DGKB: variants seen among roughly 807,000 people sequenced by gnomAD.
DGKB encodes 90 kDa diacylglycerol kinase.
DGKB carries 67 observed loss-of-function variants against 114.3 expected under a neutral mutation model. That is an observed-to-expected ratio of 0.59 (90% confidence interval 0.48 to 0.72). DGKB has a LOEUF of 0.72. Ranked by LOEUF, DGKB falls within the 30% of genes least tolerant of loss-of-function variation. The pLI is 0.00. For synonymous variants in DGKB, 398 were observed against 323.1 expected, an observed-to-expected ratio of 1.23 and a Z score of -2.49; for missense variants, 907 against 975.2, an observed-to-expected ratio of 0.93 and a Z score of 0.93.
intron 13 of DGKB, among the ~76,000 whole-genome samples, chr7:14,649,941 G>A (rs1814053945): frequency 1.4e-5 from 2 of 146,708 alleles, no homozygotes; most frequent in African/African-American, 5.1e-5. Context: ...AACTAGAAGA[G>A]CTAACTATCC....
At chr7:14,174,699 C>T (rs923433090) in intron 25 of DGKB, among the ~76,000 whole-genome samples, 3 of 152,132 alleles carry the variant, frequency 2.0e-5, no homozygotes, top group Non-Finnish European at 2.9e-5. Flanking sequence ...CTATTTCCAC[C>T]ATCACGGTAG....
chr7:14,265,940 G>C (rs964235372), intron 23 of DGKB, among the ~76,000 whole-genome samples: 1 of 152,118 alleles, frequency 6.6e-6, no homozygotes. Context: ...TACTGCAAGG[G>C]GGTTATATAG....
intron 21 of DGKB, among the ~76,000 whole-genome samples, chr7:14,432,662 A>G (rs1016771332): frequency 6.6e-6 from 1 of 152,152 alleles, no homozygotes; most frequent in Admixed American, 6.6e-5. Context: ...CTAAGAGTGG[A>G]TCCATCAACC....
intron 2 of DGKB, among the ~76,000 whole-genome samples, chr7:14,835,853 T>C (rs1847085558): frequency 6.6e-6 from 1 of 152,192 alleles, no homozygotes; most frequent in African/African-American, 2.4e-5. Context: ...TTATCACTTA[T>C]TGTGCCACAG....
intron 20 of DGKB, among the ~76,000 whole-genome samples, chr7:14,568,519 C>T (rs575739647): frequency 9.9e-4 from 151 of 152,216 alleles, no homozygotes; most frequent in African/African-American, 3.6e-3. Context: ...TTTCTTTAGC[C>T]ATTCAGTTGT....
intron 6 of DGKB, 60 bp downstream of exon 6, chr7:14,718,482 T>C (rs565363876): frequency 2.3e-5 from 33 of 1,463,850 alleles, no homozygotes; most frequent in South Asian, 1.4e-5. Context: ...AGTTAATCAA[T>C]ATCCAGTCCT....
rs561765823 is a variant in DGKB at position 14,283,234 on chromosome 7, G to A, written c.2122+55281C>T. Reference sequence around the variant, plus strand: ...TACACCAACCACAGACAAACAGAGAGCCAAATCATGAGTGAACTCCCATTC... The same window carrying A: ...TACACCAACCACAGACAAACAGAGAACCAAATCATGAGTGAACTCCCATTC... On this transcript the variant is annotated intron_variant, in intron 23 of 25. Coordinates refer to ENST00000402815, the MANE Select transcript of DGKB (RefSeq NM_001350709.2). Among the ~76,000 whole-genome samples, 141 of 151,572 alleles carry A rather than the reference G, an allele frequency of 9.3e-4. 1 individual carries two copies. Among genetic ancestry groups the A allele is most frequent in the African/African-American group, 2.8e-3 (116 of 41,334 alleles).
intron 21 of DGKB, among the ~76,000 whole-genome samples, chr7:14,453,926 T>C (rs901273479): frequency 6.6e-6 from 1 of 152,184 alleles, no homozygotes; most frequent in South Asian, 2.1e-4. Flanking sequence ...GTGGGAAGTA[T>C]GTATATCTTG....
chr7:14,374,915 G>A (rs569060573), intron 21 of DGKB, among the ~76,000 whole-genome samples: 1 of 152,278 alleles, frequency 6.6e-6, no homozygotes, highest in Admixed American at 6.5e-5. Context: ...CAGATTGTCC[G>A]TCTGTTGCCT....
At chr7:14,879,602 T>C (rs1484735148) in intron 1 of DGKB, among the ~76,000 whole-genome samples, 2 of 152,226 alleles carry the variant, frequency 1.3e-5, no homozygotes, top group Non-Finnish European at 2.9e-5. Flanking sequence ...AGTATCTCCC[T>C]GTGATCTTTA....
chr7:14,581,006 C>A (rs940481919), intron 18 of DGKB, 55 bp from the exon 19 acceptor site: 3 of 1,293,114 alleles, frequency 2.3e-6, no homozygotes, highest in Non-Finnish European at 2.2e-6. Flanking sequence ...GATAAAACGA[C>A]GGAAATAAAA....
intron 21 of DGKB, among the ~76,000 whole-genome samples, chr7:14,465,675 C>T (rs1447469997): frequency 6.6e-6 from 1 of 151,994 alleles, no homozygotes; most frequent in Non-Finnish European, 1.5e-5. Flanking sequence ...AGAAATTTTC[C>T]TAAAGTCACA....
At chr7:14,744,983 C>G (rs911269033) in intron 4 of DGKB, among the ~76,000 whole-genome samples, 9 of 152,132 alleles carry the variant, frequency 5.9e-5, no homozygotes, top group African/African-American at 2.2e-4. Context: ...TCCTGCTAAT[C>G]CTGACATCTG....
intron 21 of DGKB, among the ~76,000 whole-genome samples, chr7:14,381,707 C>T (rs1819506232): frequency 1.3e-5 from 2 of 152,164 alleles, no homozygotes; most frequent in Non-Finnish European, 2.9e-5. Flanking sequence ...CTCGTGGGCT[C>T]AAGTGCATCT....
At chr7:14,973,689 G>A (rs1787628629) in intron 1 of DGKB, among the ~76,000 whole-genome samples, 1 of 149,740 alleles carries the variant, frequency 6.7e-6, no homozygotes, top group Non-Finnish European at 1.5e-5. Flanking sequence ...ATGCAACTAA[G>A]AAATTATAAG....
chr7:14,830,966 G>T (rs970854088), intron 2 of DGKB, among the ~76,000 whole-genome samples: 1 of 151,764 alleles, frequency 6.6e-6, no homozygotes, highest in African/African-American at 2.4e-5. Flanking sequence ...TGTGTGTTAA[G>T]AGACTTAGTT....
At chr7:14,675,871 C>T (rs958957455) in intron 12 of DGKB, among the ~76,000 whole-genome samples, 5 of 151,926 alleles carry the variant, frequency 3.3e-5, no homozygotes, top group South Asian at 2.1e-4. Context: ...AACATTATGA[C>T]GTTGTTTGTA....
intron 13 of DGKB, among the ~76,000 whole-genome samples, chr7:14,649,605 A>G (rs1192897056): frequency 5.3e-5 from 8 of 151,868 alleles, no homozygotes; most frequent in Admixed American, 5.3e-4. Context: ...CAAAATCACC[A>G]GCTAACATCA....
At chr7:14,921,469 A>G (rs970026889) in intron 1 of DGKB, among the ~76,000 whole-genome samples, 1 of 152,180 alleles carries the variant, frequency 6.6e-6, no homozygotes, top group Non-Finnish European at 1.5e-5. Flanking sequence ...AAAATAACAT[A>G]ACCCATGTGA....
Sources: gnomAD v4.1 joint callset for allele counts (sites outside exome capture counted in the v4.1 genomes callset) on GRCh38, gnomAD v4.1.1 for gene constraint, MANE v1.5 for transcripts, NCBI Gene and HGNC (gene_info 2026-07-23, HGNC 2026-07-21) for gene names.